MTRF1: variants seen among roughly 807,000 people sequenced by gnomAD.
MTRF1 encodes the protein mitochondrial translation release factor 1, also known as peptide chain release factor 1, mitochondrial.
MTRF1 carries 51 observed loss-of-function variants against 62.9 expected under a neutral mutation model. The ratio of observed to expected loss-of-function variants is 0.81; its 90% CI spans 0.65 to 1.02. MTRF1 has a LOEUF of 1.02. Ranked by LOEUF, MTRF1 falls within the 50% of genes least tolerant of loss-of-function variation. MTRF1 has a pLI of 0.00. For synonymous variants in MTRF1, 158 were observed against 181.9 expected (o/e 0.87, Z 1.06); for missense variants, 446 against 530.0 (o/e 0.84, Z 1.56).
the MTRF1 span, among the ~76,000 whole-genome samples, chr13:41,280,082 C>T: frequency 2.0e-5 from 3 of 152,124 alleles, no homozygotes; most frequent in African/African-American, 2.4e-5. Flanking sequence ...GGACTACAGG[C>T]GTGTGACACC....
the MTRF1 span, among the ~76,000 whole-genome samples, chr13:41,274,962 C>T: frequency 6.6e-6 from 1 of 152,084 alleles, no homozygotes; most frequent in South Asian, 2.1e-4. Flanking sequence ...AAACGAAAGA[C>T]ATCATTTTAT....
chr13:41,308,868 C>A, the MTRF1 span, among the ~76,000 whole-genome samples: 4 of 152,148 alleles, frequency 2.6e-5, no homozygotes, highest in Admixed American at 2.6e-4. Context: ...AATCTTCACC[C>A]TCCTCCTACT....
chr13:41,237,312 G>A (rs753205459), intron 6 of MTRF1, among the ~76,000 whole-genome samples: 8 of 150,696 alleles, frequency 5.3e-5, no homozygotes, highest in Non-Finnish European at 1.2e-4. Flanking sequence ...ATAACTCTAT[G>A]GTTTTGCTTT....
chr13:41,271,907 C>G, the MTRF1 span, among the ~76,000 whole-genome samples: 5 of 152,062 alleles, frequency 3.3e-5, no homozygotes, highest in Non-Finnish European at 7.4e-5. Context: ...TAGAGAAGAC[C>G]CTTTAGAAAG....
Position 41,217,205 on chromosome 13 carries a change from G to A in MTRF1, c.1248C>T (p.Gly416=), listed in dbSNP as rs2032048476. The A allele has an allele frequency of 6.2e-7, 1 of 1,606,910 alleles. No individual in the cohort carries two copies. The highest frequency in any genetic ancestry group is 8.5e-7 in the Non-Finnish European group (1 of 1,176,134). ...GCAGTCTCTGAATTAGCTGATCCAGGCCCTTCCCACCACATAAAAATTCCT... is the reference window on the plus strand; with the variant it reads ...GCAGTCTCTGAATTAGCTGATCCAGACCCTTCCCACCACATAAAAATTCCT... ...DIKEFLCGGK[G]LDQLIQRLLQ... The change falls in exon 10 of 10, where the codon GGC becomes GGT. Residue 416 remains glycine (G), a synonymous_variant. Transcript: ENST00000379480.
At chr13:41,255,557 T>C (rs2039599136) in intron 2 of MTRF1, among the ~76,000 whole-genome samples, 1 of 152,134 alleles carries the variant, frequency 6.6e-6, no homozygotes, top group South Asian at 2.1e-4. Flanking sequence ...ACAGGCATGG[T>C]GGTGCACGCG....
chr13:41,279,952 T>G, the MTRF1 span, among the ~76,000 whole-genome samples: 7 of 152,156 alleles, frequency 4.6e-5, no homozygotes, highest in Non-Finnish European at 1.0e-4. Flanking sequence ...TTTTATTTTA[T>G]TTTGAGACAG....
rs145826531 is a variant in MTRF1 at position 41,218,355 on chromosome 13, C to T, written c.1225-1127G>A. ...ATGCTGCCCAGGATGGTCTCCTGAG[C>T]TCAAGCGATCCTCCCACCTCTGCCT... On this transcript the variant is annotated intron_variant, in intron 9 of 9. Coordinates refer to ENST00000379480, the MANE Select transcript of MTRF1 (RefSeq NM_004294.4). 1.9e-4 allele frequency among the ~76,000 whole-genome samples: 28 copies of T among 144,834 alleles called. No individual in the cohort carries two copies. The East Asian group carries it at 5.7e-3, about 29-fold the overall frequency.
At chr13:41,276,194 A>G in the MTRF1 span, among the ~76,000 whole-genome samples, 1 of 151,138 alleles carries the variant, frequency 6.6e-6, no homozygotes, top group African/African-American at 2.4e-5. Flanking sequence ...TTTTTTAGAC[A>G]GTGTTTCACT....
chr13:41,283,356 G>A, the MTRF1 span, among the ~76,000 whole-genome samples: 1 of 152,116 alleles, frequency 6.6e-6, no homozygotes. Flanking sequence ...AAGATCATTT[G>A]TGTCCTTCAG....
At chr13:41,259,872 C>T (rs999107131) in intron 2 of MTRF1, among the ~76,000 whole-genome samples, 5 of 152,144 alleles carry the variant, frequency 3.3e-5, no homozygotes, top group Non-Finnish European at 5.9e-5. Flanking sequence ...GCAGGTCTCA[C>T]ATTATAAACA....
the MTRF1 span, among the ~76,000 whole-genome samples, chr13:41,302,081 C>T: frequency 5.3e-5 from 8 of 152,058 alleles, no homozygotes; most frequent in Non-Finnish European, 8.8e-5. Flanking sequence ...GGCTGGAGTG[C>T]AGTGGCACGA....
chr13:41,275,762 G>C, the MTRF1 span, among the ~76,000 whole-genome samples: 2 of 152,092 alleles, frequency 1.3e-5, no homozygotes, highest in Non-Finnish European at 2.9e-5. Context: ...CAAAGTGCTG[G>C]GATTACAGGC....
At position 41,237,436 on chromosome 13, in the gene MTRF1, AATAAC is replaced by A. The variant is rs373614318; in HGVS notation, c.870+2820_870+2824del. ...ATAAATGAACCAAAATATTTATCAT[AATAAC>A]ATAACCACACAGAAAAAAATCATTT... On this transcript the variant is annotated intron_variant, in intron 6 of 9. Coordinates refer to ENST00000379480, the MANE Select transcript of MTRF1 (RefSeq NM_004294.4). Among the ~76,000 whole-genome samples the A allele has an allele frequency of 9.4e-3, 1,433 of 152,230 alleles. 21 individuals carry two copies. Among genetic ancestry groups the A allele is most frequent in the African/African-American group, 0.032 (1,349 of 41,538 alleles).
chr13:41,230,789 C>G (rs1470310632), intron 7 of MTRF1, among the ~76,000 whole-genome samples: 1 of 149,714 alleles, frequency 6.7e-6, no homozygotes. Context: ...ATGGCATGAT[C>G]TCGGCTCACT....
the MTRF1 span, among the ~76,000 whole-genome samples, chr13:41,296,350 T>C: frequency 6.6e-6 from 1 of 152,190 alleles, no homozygotes; most frequent in Non-Finnish European, 1.5e-5. Flanking sequence ...CTGGGATTGC[T>C]GTCCTGAGCC....
At chr13:41,242,521 T>C (rs1690311118) in intron 5 of MTRF1, among the ~76,000 whole-genome samples, 1 of 152,238 alleles carries the variant, frequency 6.6e-6, no homozygotes, top group African/African-American at 2.4e-5. Flanking sequence ...TTATAATTTC[T>C]AAGCCTTTTC....
chr13:41,269,185 G>GTTTTTTTTTTTTTTTTGTTTTTTTTTTT, the MTRF1 span, among the ~76,000 whole-genome samples: 13 of 96,460 alleles, frequency 1.3e-4, no homozygotes, highest in Non-Finnish European at 1.7e-4. Flanking sequence ...CTTTTACCTT[G>GTTTTTTTTTTTTTTTTGTTTTTTTTTTT]TTTTTTTTTT....
At chr13:41,224,183 T>C (rs1269653336) in intron 8 of MTRF1, among the ~76,000 whole-genome samples, 1 of 152,222 alleles carries the variant, frequency 6.6e-6, no homozygotes, top group Non-Finnish European at 1.5e-5. Flanking sequence ...CCTTCTCTAA[T>C]ACTCTCCTAC....
Sources: allele counts gnomAD v4.1 joint callset (sites outside exome capture counted in the v4.1 genomes callset), GRCh38; gene constraint gnomAD v4.1.1; transcripts MANE v1.5; gene names NCBI Gene and HGNC (gene_info 2026-07-23, HGNC 2026-07-21).